Variants in LCLAT1 observed in about 807,000 individuals in gnomAD.
The protein encoded by LCLAT1 is 1-AGP acyltransferase 8.
Under a neutral mutation model 30.7 loss-of-function variants are expected in LCLAT1, and 11 were observed. The observed-to-expected ratio is 0.36, with a 90% confidence interval of 0.23 to 0.59. LCLAT1 has a LOEUF of 0.59. Among genes scored for constraint, LCLAT1 ranks in the 20% least tolerant of loss-of-function variants. LCLAT1 has a pLI of 0.77. For synonymous variants in LCLAT1, 155 were observed against 151.3 expected (o/e 1.02, Z -0.18); for missense variants, 402 against 458.6 (o/e 0.88, Z 1.13).
intron 2 of LCLAT1, 80 bp downstream of exon 2, chr2:30,525,835 T>A: frequency 8.3e-7 from 1 of 1,208,572 alleles, no homozygotes; most frequent in Non-Finnish European, 1.2e-6. Flanking sequence ...TCCATGGATG[T>A]TCAAGTCCCT....
At chr2:30,610,620 A>G (rs1210209437) in intron 5 of LCLAT1, among the ~76,000 whole-genome samples, 3 of 152,138 alleles carry the variant, frequency 2.0e-5, no homozygotes, top group African/African-American at 4.8e-5. Flanking sequence ...GCTAAATTCA[A>G]GAGTATCACA....
At chr2:30,466,229 T>TTTTTCTTTTCTTTTC (rs377542663) in intron 1 of LCLAT1, among the ~76,000 whole-genome samples, 2,231 of 149,662 alleles carry the variant, frequency 0.015, 26 homozygotes, top group Non-Finnish European at 0.024. Context: ...GTGTTTTCTT[T>TTTTTCTTTTCTTTTC]TTTTCTTTTC....
intron 1 of LCLAT1, among the ~76,000 whole-genome samples, chr2:30,467,178 G>T (rs576114914): frequency 6.6e-6 from 1 of 152,262 alleles, no homozygotes; most frequent in African/African-American, 2.4e-5. Flanking sequence ...CTATGAGTGA[G>T]AATACGTGGT....
chr2:30,531,311 C>T (rs1572579689), intron 2 of LCLAT1, among the ~76,000 whole-genome samples: 2 of 152,088 alleles, frequency 1.3e-5, no homozygotes, highest in Non-Finnish European at 2.9e-5. Flanking sequence ...GGATCCACAC[C>T]TGTAGGACTC....
intron 1 of LCLAT1, among the ~76,000 whole-genome samples, chr2:30,460,632 G>A (rs772414058): frequency 6.6e-6 from 1 of 152,118 alleles, no homozygotes; most frequent in Non-Finnish European, 1.5e-5. Context: ...CCTTATAGAT[G>A]TATCTTTTGT....
intron 1 of LCLAT1, among the ~76,000 whole-genome samples, chr2:30,494,673 CTT>C (rs577787239): frequency 4.2e-5 from 6 of 143,906 alleles, no homozygotes; most frequent in Admixed American, 7.0e-5. Context: ...CATTCTTTTA[CTT>C]TTTTTTTTTT....
At chr2:30,572,924 C>T (rs1422554908) in intron 5 of LCLAT1, among the ~76,000 whole-genome samples, 1 of 151,872 alleles carries the variant, frequency 6.6e-6, no homozygotes, top group Non-Finnish European at 1.5e-5. Flanking sequence ...ATTTCATTCT[C>T]TGGCAGAGCC....
intron 5 of LCLAT1, among the ~76,000 whole-genome samples, chr2:30,615,356 G>A (rs538878324): frequency 2.6e-5 from 4 of 152,228 alleles, no homozygotes; most frequent in African/African-American, 7.2e-5. Flanking sequence ...AGGGTGGTAC[G>A]AGTTGTGCAA....
chr2:30,541,711 T>C (rs1031296730), intron 3 of LCLAT1, among the ~76,000 whole-genome samples: 1 of 152,258 alleles, frequency 6.6e-6, no homozygotes, highest in African/African-American at 2.4e-5. Flanking sequence ...CATACCGTCA[T>C]GTAACTCACA....
At chr2:30,571,422 A>G (rs1665774592) in intron 5 of LCLAT1, among the ~76,000 whole-genome samples, 1 of 152,200 alleles carries the variant, frequency 6.6e-6, no homozygotes, top group Non-Finnish European at 1.5e-5. Context: ...CTACCTAGGA[A>G]ATAAAAGCAA....
intron 5 of LCLAT1, among the ~76,000 whole-genome samples, chr2:30,626,713 AAT>A (rs1274988362): frequency 8.6e-5 from 13 of 151,630 alleles, no homozygotes; most frequent in African/African-American, 2.9e-4. Flanking sequence ...TCTAATTTTC[AAT>A]ATGAGTAGTT....
intron 1 of LCLAT1, among the ~76,000 whole-genome samples, chr2:30,469,078 T>C (rs1166666327): frequency 6.6e-6 from 1 of 152,234 alleles, no homozygotes; most frequent in East Asian, 1.9e-4. Flanking sequence ...ATTCAAGTCC[T>C]TTACTCATTT....
chr2:30,572,181 G>A (rs867146247), intron 5 of LCLAT1, among the ~76,000 whole-genome samples: 29 of 152,004 alleles, frequency 1.9e-4, no homozygotes, highest in African/African-American at 6.3e-4. Flanking sequence ...TGCCCACCTC[G>A]CCCCCTTTCC....
intron 1 of LCLAT1, among the ~76,000 whole-genome samples, chr2:30,454,141 T>A (rs912255429): frequency 6.6e-6 from 1 of 152,254 alleles, no homozygotes; most frequent in Non-Finnish European, 1.5e-5. Context: ...TTTCTGAATA[T>A]CCATGCTGAA....
chr2:30,540,410 G>C (rs1207173127), intron 3 of LCLAT1, among the ~76,000 whole-genome samples: 1 of 152,070 alleles, frequency 6.6e-6, no homozygotes, highest in Non-Finnish European at 1.5e-5. Context: ...TAATAATGTT[G>C]CAGTGATTTT....
At chr2:30,465,859 GTCT>G (rs1207672866) in intron 1 of LCLAT1, among the ~76,000 whole-genome samples, 7 of 152,038 alleles carry the variant, frequency 4.6e-5, no homozygotes, top group African/African-American at 1.7e-4. Context: ...AAGAACAAAA[GTCT>G]TCTTTAACAG....
chr2:30,572,167 T>C (rs1254267149), intron 5 of LCLAT1, among the ~76,000 whole-genome samples: 1 of 152,220 alleles, frequency 6.6e-6, no homozygotes, highest in African/African-American at 2.4e-5. Flanking sequence ...TTCCTTTTAG[T>C]CACTGCCCAC....
intron 2 of LCLAT1, among the ~76,000 whole-genome samples, chr2:30,527,808 GTATTA>G (rs1270548529): frequency 3.3e-5 from 5 of 152,082 alleles, no homozygotes; most frequent in East Asian, 1.9e-4. Context: ...TAAATATTTG[GTATTA>G]TATTAATTTT....
Position 30,594,319 on chromosome 2 carries a change from G to C in LCLAT1, c.628+26143G>C, listed in dbSNP as rs192787937. Among the ~76,000 whole-genome samples the C allele has an allele frequency of 7.9e-5, 12 of 152,118 alleles. No homozygotes were observed. The East Asian group carries it at 1.9e-3, about 24-fold the overall frequency. On this transcript the variant is annotated intron_variant, in intron 5 of 5. Coordinates refer to ENST00000379509, the MANE Select transcript of LCLAT1 (RefSeq NM_001002257.3). ...TACTTTAATGGGAAAATTTTCAAACGTATAGCAAAGTTCAAAGAGGCTTAC... is the reference window on the plus strand; with the variant it reads ...TACTTTAATGGGAAAATTTTCAAACCTATAGCAAAGTTCAAAGAGGCTTAC...
Sources: allele counts gnomAD v4.1 joint callset (sites outside exome capture counted in the v4.1 genomes callset), GRCh38; gene constraint gnomAD v4.1.1; transcripts MANE v1.5; gene names NCBI Gene and HGNC (gene_info 2026-07-23, HGNC 2026-07-21).